The following COL4A6 variants were observed in gnomAD, a reference collection of about 807,000 sequenced individuals.
COL4A6 encodes collagen type IV alpha 6 chain.
In COL4A6, 59 loss-of-function variants were observed where a neutral mutation model predicts 126.7. The observed-to-expected ratio is 0.47, with a 90% confidence interval of 0.38 to 0.58. COL4A6 has a LOEUF of 0.58. COL4A6 is among the 20% of genes least tolerant of loss of function. The pLI is 0.00. For synonymous variants in COL4A6, 547 were observed against 496.6 expected (o/e 1.10, Z -1.35); for missense variants, 1,285 against 1,337.3 (o/e 0.96, Z 0.61).
intron 2 of COL4A6, among the ~76,000 whole-genome samples, chrX:108,377,431 T>C (rs900822268): frequency 2.7e-5 from 3 of 110,367 alleles, no homozygotes; most frequent in Admixed American, 9.6e-5. Flanking sequence ...GTATTATTTA[T>C]TCATTTAAAA....
intron 2 of COL4A6, among the ~76,000 whole-genome samples, chrX:108,408,566 C>T (rs2041260573): frequency 1.8e-5 from 2 of 111,534 alleles, no homozygotes; most frequent in Non-Finnish European, 3.8e-5. Context: ...AATTATACAC[C>T]AACAAAAGAC....
Position 108,225,061 on chromosome X carries a change from G to C in COL4A6, c.145-3687C>G, listed in dbSNP as rs1376676578. 3.9e-5 allele frequency among the ~76,000 whole-genome samples: 4 copies of C among 103,595 alleles called. No homozygotes were observed. In the South Asian group the frequency reaches 1.6e-3, roughly 42 times the overall value. 90.0% of individuals were successfully genotyped at this position (103,595 alleles called of 115,157 possible). A position where few individuals can be genotyped will look rare whatever the true frequency, so the allele number is the denominator to read the frequency against. On this transcript the variant is annotated intron_variant, in intron 3 of 44. Transcript: ENST00000334504. Reference sequence around the variant, plus strand: ...CATGGGGCGGGGGGCGGGGGGAAGGGGGAAGGCCGAGAGAAGAGGAAGGAC... The same window carrying C: ...CATGGGGCGGGGGGCGGGGGGAAGGCGGAAGGCCGAGAGAAGAGGAAGGAC...
intron 8 of COL4A6, among the ~76,000 whole-genome samples, chrX:108,209,172 G>A (rs772937837): frequency 2.7e-5 from 3 of 111,805 alleles, no homozygotes; most frequent in South Asian, 3.8e-4. Context: ...ATGAAACTCC[G>A]TAACTCTCTA....
chrX:108,192,608 A>G (rs757532546), intron 17 of COL4A6, 28 bp from the exon 18 acceptor site: 1 of 1,055,970 alleles, frequency 9.5e-7, no homozygotes, highest in South Asian at 2.0e-5. Flanking sequence ...GAAAATAGTA[A>G]ATAAAGACAG....
In COL4A6 at chrX:108,308,983, A is replaced by C. The variant is rs775928488; in HGVS notation, c.144+1765T>G. 1.7e-3 allele frequency among the ~76,000 whole-genome samples: 191 copies of C among 111,904 alleles called. 1 individual carries two copies. Among genetic ancestry groups the C allele is most frequent in the Non-Finnish European group, 3.6e-4 (19 of 53,212 alleles). On this transcript the variant is annotated intron_variant, in intron 3 of 44. Coordinates refer to ENST00000334504, the MANE Select transcript of COL4A6 (RefSeq NM_033641.4). ...GAATTAAACTATGGGGTAGAGAAAA[A>C]GATCTTAAGGACACGTTAAGTTTAC...
intron 3 of COL4A6, among the ~76,000 whole-genome samples, chrX:108,304,684 A>G (rs943815252): frequency 1.8e-5 from 2 of 111,984 alleles, no homozygotes; most frequent in Non-Finnish European, 3.8e-5. Context: ...TTGCATTATT[A>G]GGTATAGAGT....
chrX:108,215,736 G>A (rs188926878), intron 5 of COL4A6, among the ~76,000 whole-genome samples: 15 of 111,395 alleles, frequency 1.3e-4, no homozygotes, highest in Admixed American at 1.9e-4. Flanking sequence ...GCTTTTTCAT[G>A]GTTCCAGATC....
At chrX:108,307,926 T>C (rs1295178050) in intron 3 of COL4A6, among the ~76,000 whole-genome samples, 2 of 112,143 alleles carry the variant, frequency 1.8e-5, no homozygotes, top group African/African-American at 6.5e-5. Flanking sequence ...ATCGGTCTTA[T>C]CTATTTGGGA....
intron 2 of COL4A6, among the ~76,000 whole-genome samples, chrX:108,376,910 T>C (rs752531324): frequency 8.9e-6 from 1 of 112,443 alleles, no homozygotes; most frequent in South Asian, 3.7e-4. Flanking sequence ...TGTTTCTCCT[T>C]AGGTGGAATG....
At chrX:108,412,467 T>C (rs997751917) in intron 2 of COL4A6, among the ~76,000 whole-genome samples, 3 of 111,899 alleles carry the variant, frequency 2.7e-5, no homozygotes, top group Non-Finnish European at 1.9e-5. Flanking sequence ...AAGACTGCCA[T>C]GAATTCATAA....
intron 3 of COL4A6, among the ~76,000 whole-genome samples, chrX:108,259,516 G>A (rs1309018194): frequency 9.0e-6 from 1 of 111,417 alleles, no homozygotes; most frequent in African/African-American, 3.3e-5. Context: ...GATTCTCTCC[G>A]AGTTAGGAGG....
At chrX:108,339,308 T>A (rs1480488642) in intron 2 of COL4A6, among the ~76,000 whole-genome samples, 1 of 112,229 alleles carries the variant, frequency 8.9e-6, no homozygotes, top group East Asian at 2.8e-4. Flanking sequence ...TGAAAACCAA[T>A]ATTAAGACCT....
intron 2 of COL4A6, among the ~76,000 whole-genome samples, chrX:108,435,959 T>C (rs1353317375): frequency 9.0e-6 from 1 of 111,586 alleles, no homozygotes; most frequent in East Asian, 2.8e-4. Flanking sequence ...GAGGATAAAC[T>C]GGAATTGAGT....
At chrX:108,241,062 T>C (rs1170532674) in intron 3 of COL4A6, among the ~76,000 whole-genome samples, 1 of 111,035 alleles carries the variant, frequency 9.0e-6, no homozygotes, top group Non-Finnish European at 1.9e-5. Context: ...TACTTGGGTA[T>C]GTTAACTTTA....
rs1393391883 is a variant in COL4A6 at position 108,160,517 on chromosome X, C to T, written c.4471G>A (p.Gly1491Arg). The T allele has an allele frequency of 8.3e-7, 1 of 1,210,608 alleles. No individual in the cohort carries two copies. The highest frequency in any genetic ancestry group is 1.1e-6 in the Non-Finnish European group (1 of 894,969). Residue 1491 changes from glycine (G) to arginine (R), a missense_variant, in exon 43 of 45, where the codon GGG becomes AGG. Gly to Arg is a moderately radical substitution (Grantham distance 125). Transcript: ENST00000334504. Reference protein sequence around the residue: ...CPIGMSQLWVGYSLLFVEGQE... With the variant: ...CPIGMSQLWVRYSLLFVEGQE... ...CCCTCCACAAACAGTAAGCTGTACCCCACCCACAGCTGGCTCATCCCGATG... is the reference window on the plus strand; with the variant it reads ...CCCTCCACAAACAGTAAGCTGTACCTCACCCACAGCTGGCTCATCCCGATG...
At chrX:108,421,396 G>A (rs1368503367) in intron 2 of COL4A6, among the ~76,000 whole-genome samples, 1 of 111,896 alleles carries the variant, frequency 8.9e-6, no homozygotes, top group Non-Finnish European at 1.9e-5. Context: ...AGAAGCTAAG[G>A]GAAGGGAAAT....
intron 2 of COL4A6, among the ~76,000 whole-genome samples, chrX:108,347,715 T>C (rs1384342756): frequency 1.8e-5 from 2 of 110,923 alleles, no homozygotes; most frequent in Non-Finnish European, 3.8e-5. Flanking sequence ...TAAATTTTTC[T>C]AGGGTATTGT....
intron 3 of COL4A6, among the ~76,000 whole-genome samples, chrX:108,303,305 A>G (rs2038541055): frequency 9.0e-6 from 1 of 110,785 alleles, no homozygotes; most frequent in South Asian, 3.9e-4. Flanking sequence ...CTTGAGGGAG[A>G]AAAGGGGAAG....
At chrX:108,220,394 G>GGT (rs2035987346) in intron 4 of COL4A6, among the ~76,000 whole-genome samples, 1 of 111,771 alleles carries the variant, frequency 8.9e-6, no homozygotes, top group South Asian at 3.8e-4. Context: ...CCCAGTGTCA[G>GGT]GTGTCATATC....
Sources: allele counts gnomAD v4.1 joint callset (sites outside exome capture counted in the v4.1 genomes callset), GRCh38; gene constraint gnomAD v4.1.1; transcripts MANE v1.5; gene names NCBI Gene and HGNC (gene_info 2026-07-23, HGNC 2026-07-21).